The following DUSP16 variants were observed in gnomAD, a reference collection of about 807,000 sequenced individuals.
The protein encoded by DUSP16 is dual specificity protein phosphatase 16.
DUSP16 carries 21 observed loss-of-function variants against 58.3 expected under a neutral mutation model. That is an observed-to-expected ratio of 0.36 (90% CI 0.26 to 0.52). DUSP16 has a LOEUF of 0.52. Among genes scored for constraint, DUSP16 ranks in the 20% least tolerant of loss-of-function variants. DUSP16 has a pLI of 0.94. For missense variants in DUSP16, 726 were observed against 819.0 expected (o/e 0.89, Z 1.39); for synonymous variants, 320 against 323.8 (o/e 0.99, Z 0.12).
intron 1 of DUSP16, among the ~76,000 whole-genome samples, chr12:12,559,405 G>C (rs1944860703): frequency 6.6e-6 from 1 of 152,006 alleles, no homozygotes; most frequent in African/African-American, 2.4e-5. Context: ...TTTCCTCTAA[G>C]TTATCTCCTT....
Position 12,483,879 on chromosome 12 carries a change from G to A in DUSP16, c.691+3149C>T, listed in dbSNP as rs552221934. ...AAAAAGAAAAAATCACTATGAGCCT[G>A]TAAGTCATTAAGGGGGTACATCTTC... On this transcript the variant is annotated intron_variant, in intron 5 of 6. Coordinates refer to ENST00000298573, the MANE Select transcript of DUSP16 (RefSeq NM_030640.3). Among the ~76,000 whole-genome samples the A allele has an allele frequency of 1.8e-3, 281 of 152,058 alleles. 3 individuals carry two copies. The highest frequency in any genetic ancestry group is 3.5e-3 in the Non-Finnish European group (240 of 67,988).
intron 5 of DUSP16, among the ~76,000 whole-genome samples, chr12:12,482,645 G>A (rs927251185): frequency 5.3e-5 from 8 of 152,218 alleles, no homozygotes; most frequent in Non-Finnish European, 1.0e-4. Context: ...GAAGAAACCA[G>A]AGAGAAGGTT....
chr12:12,558,399 T>G (rs1205833046), intron 1 of DUSP16, among the ~76,000 whole-genome samples: 1 of 151,324 alleles, frequency 6.6e-6, no homozygotes, highest in African/African-American at 2.4e-5. Context: ...TTTTTTTTTT[T>G]GATACACTGT....
At chr12:12,551,876 T>G (rs2136268294) in intron 1 of DUSP16, among the ~76,000 whole-genome samples, 1 of 152,150 alleles carries the variant, frequency 6.6e-6, no homozygotes, top group South Asian at 2.1e-4. Flanking sequence ...TTATTTTTAG[T>G]AGAGACGGGG....
chr12:12,510,217 G>C (rs1438520747), intron 3 of DUSP16, among the ~76,000 whole-genome samples: 2 of 152,138 alleles, frequency 1.3e-5, no homozygotes, highest in African/African-American at 4.8e-5. Flanking sequence ...GATGAGGATG[G>C]TGTGGCTGCT....
chr12:12,548,646 A>G (rs1302279976), intron 1 of DUSP16, among the ~76,000 whole-genome samples: 2 of 134,466 alleles, frequency 1.5e-5, no homozygotes, highest in Non-Finnish European at 3.0e-5. Context: ...AAAAAAAAAA[A>G]AGAAAAAGAA....
At chr12:12,523,377 C>G (rs1377396898) in intron 1 of DUSP16, among the ~76,000 whole-genome samples, 1 of 152,196 alleles carries the variant, frequency 6.6e-6, no homozygotes, top group African/African-American at 2.4e-5. Flanking sequence ...ATCTGAAAGA[C>G]ATCACTCACA....
intron 1 of DUSP16, among the ~76,000 whole-genome samples, chr12:12,532,843 G>A (rs1944411042): frequency 1.3e-5 from 2 of 152,122 alleles, no homozygotes; most frequent in African/African-American, 2.4e-5. Context: ...AGCTATTCGG[G>A]AGGCTGAGGC....
intron 1 of DUSP16, chr12:12,554,419 A>G (rs966277849): frequency 1.3e-4 from 19 of 151,986 alleles, no homozygotes; most frequent in Admixed American, 8.5e-4. Flanking sequence ...CAACAACACA[A>G]TTTTATTGCA....
In DUSP16 at chr12:12,477,926, G is replaced by C; in HGVS notation, c.905C>G (p.Thr302Ser). 1 of 1,614,198 alleles carries C rather than the reference G, an allele frequency of 6.2e-7. No homozygotes were observed. Among genetic ancestry groups the C allele is most frequent in the Non-Finnish European group, 8.5e-7 (1 of 1,180,038 alleles). Residue 302 changes from threonine (T) to serine (S), a missense_variant, in exon 7 of 7, where the codon ACT (threonine) becomes AGT (serine). By Grantham distance (58) the Thr-to-Ser change is moderately conservative (BLOSUM62 1). Transcript: ENST00000298573. The surrounding 1 kb of genome is among the most constrained non-coding windows in gnomAD (Gnocchi z 4.1). ...TTTGCTCTTTGGCCCTGATGCTCCA[G>C]TCTGGTTCTTAATCTTCTTCTCATA... ...LDYEKKIKNQ[T>S]GASGPKSKLK... is the part of the protein sequence containing the mutation.
At chr12:12,554,780 A>AT (rs1944784697) in intron 1 of DUSP16, 1 of 151,592 alleles carries the variant, frequency 6.6e-6, no homozygotes, top group Non-Finnish European at 1.5e-5. Flanking sequence ...TATATATTCC[A>AT]TTTTCAAGTT....
At chr12:12,549,807 A>C (rs79218406) in intron 1 of DUSP16, among the ~76,000 whole-genome samples, 9,817 of 151,400 alleles carry the variant, frequency 0.065, 475 homozygotes, top group East Asian at 0.21. Context: ...GCAAATTTTC[A>C]CTTTTTTATG....
intron 1 of DUSP16, among the ~76,000 whole-genome samples, chr12:12,540,336 T>C (rs1944533634): frequency 6.6e-6 from 1 of 151,940 alleles, no homozygotes. Flanking sequence ...TCTTAAAATA[T>C]ATAAAAATAT....
chr12:12,520,306 A>G (rs1172618764), intron 2 of DUSP16, among the ~76,000 whole-genome samples: 1 of 152,200 alleles, frequency 6.6e-6, no homozygotes, highest in Non-Finnish European at 1.5e-5. Context: ...CCCTGGACCT[A>G]AACAAACTTT....
chr12:12,544,798 G>GT (rs976524523), intron 1 of DUSP16, among the ~76,000 whole-genome samples: 18 of 152,108 alleles, frequency 1.2e-4, no homozygotes, highest in Non-Finnish European at 7.4e-5. Flanking sequence ...ATTTATTTTT[G>GT]TAAGTGATGG....
At chr12:12,480,127 T>G (rs541023115) in intron 6 of DUSP16, 96 bp downstream of exon 6, 1 of 1,475,488 alleles carries the variant, frequency 6.8e-7, no homozygotes, top group African/African-American at 1.4e-5. Flanking sequence ...ACTAAAATAA[T>G]CATGATCTGC....
In DUSP16 at chr12:12,473,387, C is replaced by G. The variant is rs902648321; in HGVS notation, c.*3446G>C. On this transcript the variant is annotated 3_prime_UTR_variant, in exon 7 of 7. Transcript: ENST00000298573. Reference sequence around the variant, plus strand: ...GCTCCGAGCACTGTCAGCAACTGGCCTGAACTTCAGGCTCTCCCAAGATCT... The same window carrying G: ...GCTCCGAGCACTGTCAGCAACTGGCGTGAACTTCAGGCTCTCCCAAGATCT... 6.6e-6 allele frequency among the ~76,000 whole-genome samples: 1 copy of G among 152,198 alleles called. No homozygotes were observed. Among genetic ancestry groups the G allele is most frequent in the Non-Finnish European group, 1.5e-5 (1 of 68,048 alleles).
At chr12:12,486,636 CTG>C (rs1297672604) in intron 5 of DUSP16, among the ~76,000 whole-genome samples, 1 of 152,114 alleles carries the variant, frequency 6.6e-6, no homozygotes, top group Non-Finnish European at 1.5e-5. Flanking sequence ...TGACTTTTCT[CTG>C]TAAAAAACAC....
intron 1 of DUSP16, among the ~76,000 whole-genome samples, chr12:12,533,735 G>A (rs1944425313): frequency 6.6e-6 from 1 of 152,208 alleles, no homozygotes; most frequent in South Asian, 2.1e-4. Flanking sequence ...AGATACTGTG[G>A]ACTAGGACTC....
Sources: allele counts gnomAD v4.1 joint callset (sites outside exome capture counted in the v4.1 genomes callset), GRCh38; gene constraint gnomAD v4.1.1; non-coding constraint Gnocchi (gnomAD v3.1); transcripts MANE v1.5; gene names NCBI Gene and HGNC (gene_info 2026-07-23, HGNC 2026-07-21).